The following ATXN2 variants were observed in gnomAD, a reference collection of about 807,000 sequenced individuals.
The protein encoded by ATXN2 is ataxin-2.
In ATXN2, 37 loss-of-function variants were observed where a neutral mutation model predicts 138.6. That is an observed-to-expected ratio of 0.27 (90% confidence interval 0.21 to 0.35). The LOEUF (loss-of-function observed/expected upper bound fraction) is 0.35. Among genes scored for constraint, ATXN2 ranks in the 10% least tolerant of loss-of-function variants. The pLI is 1.00. For synonymous variants in ATXN2, 549 were observed against 543.7 expected (o/e 1.01, Z -0.13); for missense variants, 1,216 against 1,480.3 (o/e 0.82, Z 2.93).
intron 1 of ATXN2, among the ~76,000 whole-genome samples, chr12:111,586,388 GT>G (rs759694846): frequency 0.14 from 15,863 of 114,874 alleles, 2,428 homozygotes; most frequent in African/African-American, 0.38. Context: ...CCCAAGTCTG[GT>G]TTTTTTTTTT....
intron 1 of ATXN2, among the ~76,000 whole-genome samples, chr12:111,578,683 T>G (rs945940571): frequency 6.6e-6 from 1 of 152,158 alleles, no homozygotes; most frequent in Admixed American, 6.6e-5. Flanking sequence ...AAAGATGGTA[T>G]GAATGTCAAA....
intron 5 of ATXN2, among the ~76,000 whole-genome samples, chr12:111,535,442 G>C (rs2135760058): frequency 6.6e-6 from 1 of 152,080 alleles, no homozygotes; most frequent in Non-Finnish European, 1.5e-5. Context: ...GGGAAACACA[G>C]TGAAACCCAT....
intron 5 of ATXN2, among the ~76,000 whole-genome samples, chr12:111,541,764 T>G (rs966303287): frequency 6.7e-6 from 1 of 148,810 alleles, no homozygotes; most frequent in Admixed American, 6.8e-5. Flanking sequence ...TTTGTCAATT[T>G]CTACAAAAAC....
intron 20 of ATXN2, among the ~76,000 whole-genome samples, chr12:111,467,201 G>A (rs1320459565): frequency 2.0e-5 from 3 of 151,520 alleles, no homozygotes; most frequent in Non-Finnish European, 2.9e-5. Flanking sequence ...GGATTACAGT[G>A]GTGCCATGAT....
intron 5 of ATXN2, among the ~76,000 whole-genome samples, chr12:111,550,312 A>G (rs1183634449): frequency 6.6e-6 from 1 of 152,192 alleles, no homozygotes; most frequent in Non-Finnish European, 1.5e-5. Flanking sequence ...TTAATTTTGA[A>G]GAGGAGCAAG....
intron 1 of ATXN2, among the ~76,000 whole-genome samples, chr12:111,594,527 G>A (rs1884839092): frequency 6.6e-6 from 1 of 151,926 alleles, no homozygotes; most frequent in African/African-American, 2.4e-5. Flanking sequence ...TGCCTCAAGA[G>A]AAAGAAGCAG....
chr12:111,572,825 G>A (rs950005576), intron 1 of ATXN2, among the ~76,000 whole-genome samples: 3 of 152,190 alleles, frequency 2.0e-5, no homozygotes, highest in Non-Finnish European at 4.4e-5. Flanking sequence ...GACAGGGAAA[G>A]CGTGGGCAAG....
intron 5 of ATXN2, among the ~76,000 whole-genome samples, chr12:111,542,922 T>G (rs1881600537): frequency 6.6e-6 from 1 of 152,190 alleles, no homozygotes; most frequent in South Asian, 2.1e-4. Context: ...TGTTCTGACT[T>G]TGGCAAACAT....
chr12:111,466,972 A>G (rs1418697349), intron 20 of ATXN2, among the ~76,000 whole-genome samples: 1 of 152,102 alleles, frequency 6.6e-6, no homozygotes, highest in African/African-American at 2.4e-5. Context: ...ACTTCTATGT[A>G]AGTTTGTTGT....
intron 18 of ATXN2, among the ~76,000 whole-genome samples, chr12:111,483,683 G>A (rs377666051): frequency 9.9e-5 from 15 of 151,838 alleles, no homozygotes; most frequent in South Asian, 4.2e-4. Context: ...AGAAAAATGT[G>A]GGATTTTTTC....
At chr12:111,575,866 G>A (rs1406214647) in intron 1 of ATXN2, among the ~76,000 whole-genome samples, 1 of 151,956 alleles carries the variant, frequency 6.6e-6, no homozygotes, top group Non-Finnish European at 1.5e-5. Flanking sequence ...GGTGGATCAT[G>A]AGGTCAGGAG....
chr12:111,573,870 CTTTT>C (rs778132052), intron 1 of ATXN2, among the ~76,000 whole-genome samples: 34 of 136,552 alleles, frequency 2.5e-4, no homozygotes, highest in African/African-American at 7.6e-4. Flanking sequence ...TTTTTTCTTT[CTTTT>C]TTTTTTTTTT....
intron 1 of ATXN2, among the ~76,000 whole-genome samples, chr12:111,589,021 A>AAAAAAAC (rs1884502732): frequency 6.8e-6 from 1 of 148,062 alleles, no homozygotes; most frequent in Non-Finnish European, 1.5e-5. Context: ...AAAAAAAAAA[A>AAAAAAAC]AAACTAAACC....
chr12:111,537,801 A>G (rs1881276843), intron 5 of ATXN2, among the ~76,000 whole-genome samples: 1 of 151,932 alleles, frequency 6.6e-6, no homozygotes. Context: ...CTGTGAATAT[A>G]TTTTAAAAAA....
At chr12:111,556,525 C>T (rs557314184) in intron 1 of ATXN2, among the ~76,000 whole-genome samples, 1 of 152,168 alleles carries the variant, frequency 6.6e-6, no homozygotes, top group East Asian at 1.9e-4. Context: ...AAAAGAAAAA[C>T]AGGTCATATG....
chr12:111,552,501 A>T lies in ATXN2; in HGVS notation c.421-71T>A. 2 of 1,497,574 alleles carry T rather than the reference A, an allele frequency of 1.3e-6. No homozygotes were observed. Among genetic ancestry groups the T allele is most frequent in the South Asian group, 1.3e-5 (1 of 75,436 alleles). The allele number at this position is 1,497,574 out of a possible 1,614,324, so 92.8% of individuals were successfully genotyped here. ...AAATTTGTTAGGAATTCTTTAGCTCATCAAGGTACCAGTTCTTATATGCCT... is the reference window on the plus strand; with the variant it reads ...AAATTTGTTAGGAATTCTTTAGCTCTTCAAGGTACCAGTTCTTATATGCCT... On this transcript the variant is annotated intron_variant, in intron 4 of 24. Coordinates refer to ENST00000673436, the MANE Select transcript of ATXN2 (RefSeq NM_001372574.1). This position sits in a 1 kb window ranked among gnomAD's most constrained non-coding sequence, Gnocchi z 4.1.
chr12:111,589,397 C>T (rs1884531207), intron 1 of ATXN2, among the ~76,000 whole-genome samples: 1 of 152,046 alleles, frequency 6.6e-6, no homozygotes, highest in South Asian at 2.1e-4. Flanking sequence ...CCTTGGGAGG[C>T]CAAGGAGGGC....
chr12:111,592,553 C>A (rs1026646574), intron 1 of ATXN2, among the ~76,000 whole-genome samples: 2 of 151,746 alleles, frequency 1.3e-5, no homozygotes, highest in African/African-American at 2.4e-5. Context: ...GAGGCTGAGG[C>A]AGGTGGATCA....
chr12:111,456,601 C>A (rs1386769860), intron 22 of ATXN2, among the ~76,000 whole-genome samples: 1 of 152,202 alleles, frequency 6.6e-6, no homozygotes, highest in Non-Finnish European at 1.5e-5. Context: ...AAAATAACCT[C>A]ATCACATAAA....
Sources: gnomAD v4.1 joint callset for allele counts (sites outside exome capture counted in the v4.1 genomes callset) on GRCh38, gnomAD v4.1.1 for gene constraint, Gnocchi (gnomAD v3.1) non-coding constraint, MANE v1.5 for transcripts, NCBI Gene and HGNC (gene_info 2026-07-23, HGNC 2026-07-21) for gene names.